Variants in POU6F2 observed in about 807,000 individuals in gnomAD.
The protein encoded by POU6F2 is POU class 6 homeobox 2.
In POU6F2, 31 loss-of-function variants were observed where a neutral mutation model predicts 71.3. That is an observed-to-expected ratio of 0.43 (90% CI 0.33 to 0.59). The LOEUF (loss-of-function observed/expected upper bound fraction) is 0.59, where lower values mean the gene tolerates loss of function less well. Ranked by LOEUF, POU6F2 falls within the 20% of genes least tolerant of loss-of-function variation. The probability of loss-of-function intolerance (pLI) is 0.04; values close to 1 mark genes in which losing one functional copy is unlikely to be tolerated. For missense variants in POU6F2, 783 were observed against 856.8 expected, an observed-to-expected ratio of 0.91 and a Z score of 1.07; for synonymous variants, 347 against 355.7, an observed-to-expected ratio of 0.98 and a Z score of 0.27.
At chr7:39,142,819 A>G (rs1489352638) in intron 2 of POU6F2, among the ~76,000 whole-genome samples, 2 of 152,236 alleles carry the variant, frequency 1.3e-5, no homozygotes, top group Non-Finnish European at 2.9e-5. Flanking sequence ...AATGAATGTT[A>G]GCAGTTTTGT....
chr7:39,177,673 G>A (rs781036777), intron 2 of POU6F2, among the ~76,000 whole-genome samples: 1 of 152,178 alleles, frequency 6.6e-6, no homozygotes, highest in Non-Finnish European at 1.5e-5. Context: ...AGTTCTGAAT[G>A]AGCTTGGACT....
intron 2 of POU6F2, among the ~76,000 whole-genome samples, chr7:39,171,016 C>CTTTTTTTTT (rs760022218): frequency 1.7e-4 from 16 of 94,558 alleles, no homozygotes; most frequent in African/African-American, 4.1e-4. Flanking sequence ...TCACATATAT[C>CTTTTTTTTT]TTTTTTTTTT....
chr7:39,024,961 A>T (rs565958633), intron 1 of POU6F2, among the ~76,000 whole-genome samples: 1 of 152,250 alleles, frequency 6.6e-6, no homozygotes, highest in African/African-American at 2.4e-5. Context: ...TTAGTCTAAA[A>T]TTCTCTTTTT....
At chr7:39,207,046 C>T (rs1364217821) in intron 3 of POU6F2, among the ~76,000 whole-genome samples, 1 of 152,162 alleles carries the variant, frequency 6.6e-6, no homozygotes, top group Non-Finnish European at 1.5e-5. Flanking sequence ...CCAATGAGTT[C>T]TTTCTGGAAC....
intron 2 of POU6F2, among the ~76,000 whole-genome samples, chr7:39,086,396 G>A (rs952466852): frequency 6.6e-6 from 1 of 152,040 alleles, no homozygotes; most frequent in Non-Finnish European, 1.5e-5. Context: ...AGGTTGCTTC[G>A]CAGCCTTTTG....
chr7:39,447,321 C>T (rs1206840647), intron 7 of POU6F2, among the ~76,000 whole-genome samples: 1 of 152,174 alleles, frequency 6.6e-6, no homozygotes, highest in Non-Finnish European at 1.5e-5. Flanking sequence ...TCAGTTTGAA[C>T]ATACCTCATT....
chr7:39,030,552 A>G (rs1406124484), intron 1 of POU6F2, among the ~76,000 whole-genome samples: 3 of 136,942 alleles, frequency 2.2e-5, no homozygotes, highest in Non-Finnish European at 4.7e-5. Context: ...ATACACACAC[A>G]TACATATATT....
At chr7:39,260,873 CA>C (rs1279496982) in intron 4 of POU6F2, among the ~76,000 whole-genome samples, 2 of 151,784 alleles carry the variant, frequency 1.3e-5, no homozygotes, top group African/African-American at 4.8e-5. Context: ...CCACATACCA[CA>C]GACTCCACAC....
At chr7:39,114,114 A>G (rs962557873) in intron 2 of POU6F2, among the ~76,000 whole-genome samples, 1 of 152,230 alleles carries the variant, frequency 6.6e-6, no homozygotes, top group African/African-American at 2.4e-5. Context: ...AACATCCTGA[A>G]TATTGACATG....
Position 39,191,204 on chromosome 7 carries a change from G to A in POU6F2, c.278-13031G>A, listed in dbSNP as rs569761046. ...AAGATTTGGGGATGCAAATTGGGAT[G>A]TGCCTTATAATTAGCGGCATGTCAT... On this transcript the variant is annotated intron_variant, in intron 2 of 9. Coordinates refer to ENST00000518318, the MANE Select transcript of POU6F2 (RefSeq NM_001370959.1). Among the ~76,000 whole-genome samples, 3 of 152,292 alleles carry A rather than the reference G, an allele frequency of 2.0e-5. No individual in the cohort carries two copies. In the East Asian group the frequency reaches 5.8e-4, roughly 29 times the overall value.
intron 4 of POU6F2, among the ~76,000 whole-genome samples, chr7:39,241,180 G>A (rs1783720649): frequency 6.6e-6 from 1 of 152,126 alleles, no homozygotes; most frequent in Non-Finnish European, 1.5e-5. Context: ...ATATGTAATT[G>A]TCTTAGGTAG....
At chr7:39,419,134 CATATATAT>C (rs1302999674) in intron 6 of POU6F2, among the ~76,000 whole-genome samples, 1 of 111,684 alleles carries the variant, frequency 9.0e-6, no homozygotes, top group Non-Finnish European at 1.9e-5. Context: ...TATATATACA[CATATATAT>C]ACGTATATAT....
chr7:39,260,070 T>C (rs569624694), intron 4 of POU6F2, among the ~76,000 whole-genome samples: 1 of 149,002 alleles, frequency 6.7e-6, no homozygotes, highest in African/African-American at 2.5e-5. Context: ...TCCATACACA[T>C]ACGATACACA....
chr7:39,046,508 A>G (rs556397900), intron 1 of POU6F2, among the ~76,000 whole-genome samples: 1 of 151,940 alleles, frequency 6.6e-6, no homozygotes, highest in African/African-American at 2.4e-5. Context: ...AATTCCTTAT[A>G]TAACCCAAGT....
chr7:39,063,137 C>T (rs979641392), intron 1 of POU6F2, among the ~76,000 whole-genome samples: 3 of 152,092 alleles, frequency 2.0e-5, no homozygotes, highest in African/African-American at 7.2e-5. Context: ...TATGAATGCT[C>T]TATAATAGCA....
intron 2 of POU6F2, among the ~76,000 whole-genome samples, chr7:39,185,214 G>C (rs1280155010): frequency 6.6e-6 from 1 of 152,014 alleles, no homozygotes; most frequent in Non-Finnish European, 1.5e-5. Flanking sequence ...GTGGCGGGAT[G>C]GGGGAGGGGG....
chr7:39,230,861 A>G (rs1253324118), intron 4 of POU6F2, among the ~76,000 whole-genome samples: 1 of 152,174 alleles, frequency 6.6e-6, no homozygotes, highest in Non-Finnish European at 1.5e-5. Context: ...AATGCATCCC[A>G]AATAGATTTG....
intron 4 of POU6F2, among the ~76,000 whole-genome samples, chr7:39,283,189 A>G (rs990053083): frequency 6.6e-6 from 1 of 152,114 alleles, no homozygotes; most frequent in African/African-American, 2.4e-5. Flanking sequence ...GTGGAGTCTT[A>G]AAGTTTTTTT....
At chr7:39,121,103 TTGAG>T (rs1337804410) in intron 2 of POU6F2, among the ~76,000 whole-genome samples, 2 of 152,104 alleles carry the variant, frequency 1.3e-5, no homozygotes, top group African/African-American at 2.4e-5. Flanking sequence ...GAGAGACAAA[TTGAG>T]AGAGAGAGAG....
Sources: gnomAD v4.1 joint callset for allele counts (sites outside exome capture counted in the v4.1 genomes callset) on GRCh38, gnomAD v4.1.1 for gene constraint, MANE v1.5 for transcripts, NCBI Gene and HGNC (gene_info 2026-07-23, HGNC 2026-07-21) for gene names.